The following SIK2 variants were observed in gnomAD, a reference collection of about 807,000 sequenced individuals.
The protein encoded by SIK2 is salt inducible kinase 2.
In SIK2, 29 loss-of-function variants were observed where a neutral mutation model predicts 103.2. The ratio of observed to expected loss-of-function variants is 0.28; its 90% CI spans 0.21 to 0.38. The LOEUF is 0.38. SIK2 is among the 10% of genes least tolerant of loss of function. The pLI, the probability that SIK2 is intolerant of heterozygous loss-of-function variation, is 1.00. For missense variants in SIK2, 879 were observed against 1,171.0 expected (o/e 0.75, Z 3.64); for synonymous variants, 412 against 446.1 (o/e 0.92, Z 0.96).
Position 111,687,299 on chromosome 11 carries a change from G to A in SIK2, c.317-702G>A, listed in dbSNP as rs545138894. On this transcript the variant is annotated intron_variant, in intron 3 of 14. Transcript: ENST00000304987. ...TGGGAGGCTGAGGCAGGAGGATCAC[G>A]AGGTCAGGAGTTCGAGACCAGCCTG... Among the ~76,000 whole-genome samples the A allele has an allele frequency of 2.6e-5, 4 of 151,852 alleles. No individual in the cohort carries two copies. The East Asian group carries it at 5.9e-4, about 22-fold the overall frequency.
chr11:111,623,431 T>C (rs908719956), intron 3 of SIK2, among the ~76,000 whole-genome samples: 2 of 152,258 alleles, frequency 1.3e-5, no homozygotes, highest in African/African-American at 4.8e-5. Context: ...AGTCTTTGAT[T>C]GGATGCTAGA....
At chr11:111,679,758 A>G (rs1489735515) in intron 3 of SIK2, among the ~76,000 whole-genome samples, 1 of 152,188 alleles carries the variant, frequency 6.6e-6, no homozygotes, top group East Asian at 1.9e-4. Context: ...TTTCTCAGTA[A>G]TATTCCAAGA....
chr11:111,656,892 A>G (rs1433740080), intron 3 of SIK2, among the ~76,000 whole-genome samples: 1 of 152,206 alleles, frequency 6.6e-6, no homozygotes, highest in Non-Finnish European at 1.5e-5. Flanking sequence ...AGAAACTTTA[A>G]AAAAGGACTT....
chr11:111,667,969 A>AT (rs930889665), intron 3 of SIK2, among the ~76,000 whole-genome samples: 1 of 152,062 alleles, frequency 6.6e-6, no homozygotes, highest in Non-Finnish European at 1.5e-5. Flanking sequence ...GAAAATGTAG[A>AT]TTTTTTTTCT....
In SIK2 at chr11:111,656,510, C is replaced by G. The variant is rs532335950; in HGVS notation, c.317-31491C>G. ...TGTACAACTCACCAGTTTTAACATT[C>G]CATGAGGATAACTAACATAGTAGTT... On this transcript the variant is annotated intron_variant, in intron 3 of 14. Coordinates refer to ENST00000304987, the MANE Select transcript of SIK2 (RefSeq NM_015191.3). 7.9e-5 allele frequency among the ~76,000 whole-genome samples: 12 copies of G among 152,268 alleles called. No homozygotes were observed. The Middle Eastern group carries it at 0.01, about 129-fold the overall frequency.
intron 12 of SIK2, among the ~76,000 whole-genome samples, chr11:111,721,512 GATTTT>G (rs1943800713): frequency 6.6e-6 from 1 of 152,210 alleles, no homozygotes; most frequent in South Asian, 2.1e-4. Context: ...CTACTTACCT[GATTTT>G]ATTTTGAGCC....
At chr11:111,670,703 T>G (rs1189173649) in intron 3 of SIK2, among the ~76,000 whole-genome samples, 2 of 152,186 alleles carry the variant, frequency 1.3e-5, no homozygotes, top group Non-Finnish European at 2.9e-5. Context: ...GAATCATAAT[T>G]TTTTCCTTTT....
chr11:111,664,249 C>T (rs960684454), intron 3 of SIK2, among the ~76,000 whole-genome samples: 2 of 152,148 alleles, frequency 1.3e-5, no homozygotes, highest in Non-Finnish European at 2.9e-5. Context: ...ATCGTGTCTT[C>T]TATTTTTCAC....
At chr11:111,612,774 G>C (rs1941743919) in intron 1 of SIK2, among the ~76,000 whole-genome samples, 1 of 152,034 alleles carries the variant, frequency 6.6e-6, no homozygotes, top group African/African-American at 2.4e-5. Flanking sequence ...TGTTGAGTTT[G>C]AATCATAAGT....
In SIK2 at chr11:111,724,439, GGT is replaced by G. The variant is rs1943906319; in HGVS notation, c.*313_*314del. 1 of 393,328 alleles carries G rather than the reference GGT, an allele frequency of 2.5e-6. No homozygotes were observed. The highest frequency in any genetic ancestry group is 4.6e-6 in the Non-Finnish European group (1 of 215,332). The allele number at this position is 393,328 out of a possible 1,614,324, so 24.4% of individuals were successfully genotyped here. A position where few individuals can be genotyped will look rare whatever the true frequency, so the allele number is the denominator to read the frequency against. On this transcript the variant is annotated 3_prime_UTR_variant, in exon 15 of 15. Transcript: ENST00000304987. ...GTTCCTAAGAAGACATTCAGACCCA[GGT>G]GTTATGCAGGATTACATCCGTTTAT...
chr11:111,704,959 T>C (rs1214018585), intron 7 of SIK2, 28 bp from the exon 8 acceptor site: 1 of 1,555,146 alleles, frequency 6.4e-7, no homozygotes, highest in Non-Finnish European at 8.6e-7. Context: ...TACAGTTCTT[T>C]GCCTTTACCA....
At chr11:111,623,402 A>T (rs754581525) in intron 3 of SIK2, among the ~76,000 whole-genome samples, 1 of 152,078 alleles carries the variant, frequency 6.6e-6, no homozygotes, top group Non-Finnish European at 1.5e-5. Flanking sequence ...ACATTTTCCT[A>T]TTTCATTACA....
chr11:111,640,796 G>A (rs369832968), intron 3 of SIK2, among the ~76,000 whole-genome samples: 18 of 137,912 alleles, frequency 1.3e-4, no homozygotes, highest in Middle Eastern at 4.0e-3. Flanking sequence ...GTGCAGTGGC[G>A]CGATCTCAGC....
intron 1 of SIK2, among the ~76,000 whole-genome samples, chr11:111,612,642 G>C (rs1486620801): frequency 6.6e-6 from 1 of 152,030 alleles, no homozygotes; most frequent in East Asian, 1.9e-4. Context: ...CTTCTGTCTA[G>C]CTGGAATGGA....
rs1431456273 is a variant in SIK2 at position 111,728,023 on chromosome 11, C to G, written c.*3894C>G. On this transcript the variant is annotated 3_prime_UTR_variant, in exon 15 of 15. Coordinates refer to ENST00000304987, the MANE Select transcript of SIK2 (RefSeq NM_015191.3). Reference sequence around the variant, plus strand: ...ATACTCCAGGTAACTTTTTCCCATTCGACCTCCTATAGAGACAATATGCAG... The same window carrying G: ...ATACTCCAGGTAACTTTTTCCCATTGGACCTCCTATAGAGACAATATGCAG... 1.3e-5 allele frequency: 2 copies of G among 152,194 alleles called. No individual in the cohort carries two copies. Among genetic ancestry groups the G allele is most frequent in the African/African-American group, 4.8e-5 (2 of 41,442 alleles). The allele number at this position is 152,194 out of a possible 1,614,324, so 9.4% of individuals were successfully genotyped here. A position where few individuals can be genotyped will look rare whatever the true frequency, so the allele number is the denominator to read the frequency against.
Position 111,602,483 on chromosome 11 carries a change from C to G in SIK2, c.-81C>G. ...AGGAGCGAAGGAGCAAGCGGAGCGG[C>G]CGTCGCCCAAGCCAAGCCGCGCTGC... On this transcript the variant is annotated 5_prime_UTR_variant, in exon 1 of 15. Coordinates refer to ENST00000304987, the MANE Select transcript of SIK2 (RefSeq NM_015191.3). This position sits in a 1 kb window ranked among gnomAD's most constrained non-coding sequence, Gnocchi z 4.5. 1 of 1,366,646 alleles carries G rather than the reference C, an allele frequency of 7.3e-7. No homozygotes were observed. The highest frequency in any genetic ancestry group is 3.1e-5 in the East Asian group (1 of 32,454). 84.7% of individuals were successfully genotyped at this position (1,366,646 alleles called of 1,614,324 possible). A position where few individuals can be genotyped will look rare whatever the true frequency, so the allele number is the denominator to read the frequency against.
At chr11:111,611,814 A>T (rs1272347506) in intron 1 of SIK2, among the ~76,000 whole-genome samples, 1 of 152,164 alleles carries the variant, frequency 6.6e-6, no homozygotes. Flanking sequence ...GTTACCATGC[A>T]GATTTTGTCT....
intron 9 of SIK2, among the ~76,000 whole-genome samples, chr11:111,714,340 A>G (rs1943580366): frequency 6.6e-6 from 1 of 152,236 alleles, no homozygotes; most frequent in South Asian, 2.1e-4. Flanking sequence ...ATATGGGGAT[A>G]GGGTTTGGTA....
intron 3 of SIK2, among the ~76,000 whole-genome samples, chr11:111,647,384 T>C (rs1403904727): frequency 2.6e-5 from 4 of 151,960 alleles, no homozygotes; most frequent in Non-Finnish European, 4.4e-5. Context: ...TTTATTTGAG[T>C]ACTAGATTTA....
Sources: gnomAD v4.1 joint callset for allele counts (sites outside exome capture counted in the v4.1 genomes callset) on GRCh38, gnomAD v4.1.1 for gene constraint, Gnocchi (gnomAD v3.1) non-coding constraint, MANE v1.5 for transcripts, NCBI Gene and HGNC (gene_info 2026-07-23, HGNC 2026-07-21) for gene names.